NOX4: variants seen among roughly 807,000 people sequenced by gnomAD.
NOX4 encodes NADPH oxidase 4, also known as kidney oxidase-1.
In NOX4, 69 loss-of-function variants were observed where a neutral mutation model predicts 87.6. That is an observed-to-expected ratio of 0.79 (90% CI 0.65 to 0.96). The LOEUF (loss-of-function observed/expected upper bound fraction) is 0.96, where lower values mean the gene tolerates loss of function less well. Ranked by LOEUF, NOX4 falls within the 40% of genes least tolerant of loss-of-function variation. The pLI, the probability that NOX4 is intolerant of heterozygous loss-of-function variation, is 0.00. For missense variants in NOX4, 680 were observed against 681.5 expected (o/e 1.00, Z 0.02); for synonymous variants, 275 against 238.2 (o/e 1.15, Z -1.42).
the NOX4 span, among the ~76,000 whole-genome samples, chr11:89,543,268 A>G: frequency 6.6e-6 from 1 of 152,330 alleles, no homozygotes; most frequent in South Asian, 2.1e-4. Flanking sequence ...AATTGACAAG[A>G]TGGAAGAAAG....
intron 8 of NOX4, among the ~76,000 whole-genome samples, chr11:89,413,973 A>C (rs900104125): frequency 2.0e-5 from 3 of 152,148 alleles, no homozygotes; most frequent in South Asian, 2.1e-4. Context: ...CAACAATAAA[A>C]ATATATGTGT....
At chr11:89,528,710 C>G in the NOX4 span, among the ~76,000 whole-genome samples, 21 of 152,266 alleles carry the variant, frequency 1.4e-4, no homozygotes, top group African/African-American at 5.1e-4. Flanking sequence ...GCCTCACCAG[C>G]CATGCCGAAC....
rs186009476 is a variant in NOX4 at position 89,340,363 on chromosome 11, A to T, written c.1338-192T>A. 3.9e-5 allele frequency among the ~76,000 whole-genome samples: 6 copies of T among 152,124 alleles called. No homozygotes were observed. The East Asian group carries it at 1.2e-3, about 29-fold the overall frequency. On this transcript the variant is annotated intron_variant, in intron 14 of 17. Coordinates refer to ENST00000263317, the MANE Select transcript of NOX4 (RefSeq NM_016931.5). ...GACCTAAATGAATTTAATATGCAAT[A>T]TACTGACTCAAGGATACGACATACT...
intron 2 of NOX4, among the ~76,000 whole-genome samples, chr11:89,465,533 C>T (rs1945647915): frequency 6.6e-6 from 1 of 152,146 alleles, no homozygotes; most frequent in South Asian, 2.1e-4. Flanking sequence ...TATTTCTATT[C>T]TAGATCCTTG....
intron 7 of NOX4, among the ~76,000 whole-genome samples, chr11:89,431,187 C>A (rs1423480287): frequency 6.6e-6 from 1 of 152,080 alleles, no homozygotes; most frequent in Non-Finnish European, 1.5e-5. Flanking sequence ...TTCCTTACAC[C>A]TTATACAAAA....
intron 4 of NOX4, among the ~76,000 whole-genome samples, chr11:89,445,244 T>C (rs1372452759): frequency 6.6e-6 from 1 of 152,040 alleles, no homozygotes; most frequent in African/African-American, 2.4e-5. Flanking sequence ...TGTAGTGCAA[T>C]GGTTCAAAAG....
the NOX4 span, among the ~76,000 whole-genome samples, chr11:89,526,546 C>T: frequency 6.6e-5 from 10 of 152,128 alleles, no homozygotes; most frequent in Non-Finnish European, 1.2e-4. Flanking sequence ...ATAATCCCCA[C>T]GTGTTGAGGG....
At chr11:89,493,721 T>TTTTTTTA (rs372046431), upstream of NOX4, among the ~76,000 whole-genome samples, 1,312 of 142,266 alleles carry the variant, frequency 9.2e-3, 9 homozygotes, top group Middle Eastern at 0.022. Context: ...GCCAGATTGT[T>TTTTTTTA]TTATTATTAT....
At chr11:89,427,760 G>A (rs1213307499) in intron 7 of NOX4, among the ~76,000 whole-genome samples, 1 of 152,180 alleles carries the variant, frequency 6.6e-6, no homozygotes, top group Middle Eastern at 3.2e-3. Flanking sequence ...ACCTGAAAGT[G>A]ACGGCGAGAA....
At chr11:89,587,013 T>C in the NOX4 span, among the ~76,000 whole-genome samples, 1 of 152,178 alleles carries the variant, frequency 6.6e-6, no homozygotes. Flanking sequence ...TTTAGTTTTA[T>C]GTCCTAGTGT....
intron 2 of NOX4, among the ~76,000 whole-genome samples, chr11:89,490,027 A>T (rs1946789449): frequency 6.6e-6 from 1 of 152,184 alleles, no homozygotes; most frequent in Non-Finnish European, 1.5e-5. Flanking sequence ...TTAGACCCAT[A>T]TTTTGTGAGA....
In NOX4 at chr11:89,365,753, CAAA is replaced by C. The variant is rs1213376592; in HGVS notation, c.1135+7676_1135+7678del. On this transcript the variant is annotated intron_variant, in intron 12 of 17. Transcript: ENST00000263317. ...TTATCCAAGACCAAGACCACGCCCA[CAAA>C]AAAAAAAAAAAAAAAAAAAACAGGA... is the stretch of plus-strand genomic sequence containing the variant. 6.2e-4 allele frequency among the ~76,000 whole-genome samples: 35 copies of C among 56,644 alleles called. 1 individual carries two copies. The highest frequency in any genetic ancestry group is 2.3e-3 in the African/African-American group (34 of 14,850). 37.2% of individuals were successfully genotyped at this position (56,644 alleles called of 152,430 possible). A position where few individuals can be genotyped will look rare whatever the true frequency, so the allele number is the denominator to read the frequency against.
At chr11:89,395,821 C>T (rs144985186) in intron 11 of NOX4, among the ~76,000 whole-genome samples, 2,306 of 152,042 alleles carry the variant, frequency 0.015, 61 homozygotes, top group African/African-American at 0.051. Context: ...TGTAGATGTG[C>T]GGTGTTATTT....
chr11:89,424,243 T>G (rs374219697), intron 7 of NOX4, among the ~76,000 whole-genome samples: 1 of 151,810 alleles, frequency 6.6e-6, no homozygotes, highest in African/African-American at 2.4e-5. Context: ...TTTTTCAAAC[T>G]AATTATAGTT....
chr11:89,542,064 G>C, the NOX4 span, among the ~76,000 whole-genome samples: 1 of 151,980 alleles, frequency 6.6e-6, no homozygotes, highest in Non-Finnish European at 1.5e-5. Flanking sequence ...TCCTGCCTCA[G>C]CCTCCCAGAG....
chr11:89,426,957 C>T (rs1002322680), intron 7 of NOX4, among the ~76,000 whole-genome samples: 2 of 152,208 alleles, frequency 1.3e-5, no homozygotes, highest in African/African-American at 2.4e-5. Context: ...AGTAGCCTAA[C>T]TAGGAGGCAC....
chr11:89,433,672 T>C (rs1281957166), intron 6 of NOX4, among the ~76,000 whole-genome samples: 3 of 152,120 alleles, frequency 2.0e-5, no homozygotes, highest in African/African-American at 7.2e-5. Flanking sequence ...ACAATGTTGA[T>C]GTTTTAAAAA....
Position 89,326,702 on chromosome 11 carries a change from T to C in NOX4, c.*54A>G. On this transcript the variant is annotated 3_prime_UTR_variant, in exon 18 of 18. Transcript: ENST00000263317. ...TGATTGATTCCGCTGAGTTTCAAAG[T>C]CTTAGAAATTGCACTCATTCCTTCT... The C allele has an allele frequency of 4.5e-6, 7 of 1,544,358 alleles. No homozygotes were observed. Among genetic ancestry groups the C allele is most frequent in the Non-Finnish European group, 6.2e-6 (7 of 1,126,090 alleles).
chr11:89,563,894 T>G, the NOX4 span, among the ~76,000 whole-genome samples: 2 of 152,146 alleles, frequency 1.3e-5, no homozygotes, highest in Non-Finnish European at 2.9e-5. Context: ...CACTTGCAAA[T>G]TTGTAAGTTC....
Sources: gnomAD v4.1 joint callset for allele counts (sites outside exome capture counted in the v4.1 genomes callset) on GRCh38, gnomAD v4.1.1 for gene constraint, MANE v1.5 for transcripts, NCBI Gene and HGNC (gene_info 2026-07-23, HGNC 2026-07-21) for gene names.